LRP1B: variants seen among roughly 807,000 people sequenced by gnomAD.
LRP1B encodes LDL receptor related protein 1B, also known as low-density lipoprotein receptor-related protein 1B.
A neutral mutation model predicts 556.6 loss-of-function variants in LRP1B; 217 were observed. That is an observed-to-expected ratio of 0.39 (90% CI 0.35 to 0.44). The LOEUF (loss-of-function observed/expected upper bound fraction) is 0.44, where lower values mean the gene tolerates loss of function less well. Among genes scored for constraint, LRP1B ranks in the 20% least tolerant of loss-of-function variants. LRP1B has a pLI of 1.00. For synonymous variants in LRP1B, 2,047 were observed against 1,865.8 expected (o/e 1.10, Z -2.50); for missense variants, 5,053 against 5,620.8 (o/e 0.90, Z 3.23).
chr2:140,510,242 G>A (rs1286801994), intron 51 of LRP1B, among the ~76,000 whole-genome samples, 186 bp from the exon 52 acceptor site: 2 of 152,030 alleles, frequency 1.3e-5, no homozygotes, highest in Non-Finnish European at 2.9e-5. Context: ...TATCTAAGAA[G>A]GCATTCTTTC....
At chr2:141,151,332 T>G (rs897179335) in intron 7 of LRP1B, among the ~76,000 whole-genome samples, 9 of 152,144 alleles carry the variant, frequency 5.9e-5, no homozygotes, top group African/African-American at 1.9e-4. Flanking sequence ...TTACTACTTC[T>G]CATACTTCAT....
chr2:141,508,089 C>CCT (rs1455160564), intron 2 of LRP1B, among the ~76,000 whole-genome samples: 2 of 20,718 alleles, frequency 9.7e-5, no homozygotes, highest in African/African-American at 2.5e-4. Flanking sequence ...CCATCCCCCC[C>CCT]CCAAAAAAAA....
chr2:140,352,719 G>T (rs1682028072), intron 76 of LRP1B, among the ~76,000 whole-genome samples: 1 of 151,662 alleles, frequency 6.6e-6, no homozygotes, highest in Admixed American at 6.6e-5. Context: ...AAATTGTTTT[G>T]AACACAATGA....
At chr2:141,789,884 C>A (rs1396947195) in intron 2 of LRP1B, among the ~76,000 whole-genome samples, 1 of 151,972 alleles carries the variant, frequency 6.6e-6, no homozygotes, top group Non-Finnish European at 1.5e-5. Flanking sequence ...TAAAAGGACT[C>A]CAAATGTCCT....
At chr2:141,212,214 C>G (rs1682586155) in intron 6 of LRP1B, among the ~76,000 whole-genome samples, 3 of 112,710 alleles carry the variant, frequency 2.7e-5, no homozygotes, top group Admixed American at 2.0e-4. Flanking sequence ...ATAAAATTTA[C>G]TTTTCCCCCA....
At chr2:140,790,958 T>G (rs1390170655) in intron 32 of LRP1B, among the ~76,000 whole-genome samples, 2 of 122,586 alleles carry the variant, frequency 1.6e-5, no homozygotes, top group Non-Finnish European at 3.8e-5. Flanking sequence ...TTTTTTTTTT[T>G]TAATTATCTG....
At chr2:141,302,808 T>A (rs1686446737) in intron 3 of LRP1B, among the ~76,000 whole-genome samples, 1 of 152,124 alleles carries the variant, frequency 6.6e-6, no homozygotes, top group Non-Finnish European at 1.5e-5. Flanking sequence ...ATGATCATGT[T>A]ATACATGATT....
At chr2:140,695,085 T>G (rs1574250419) in intron 41 of LRP1B, among the ~76,000 whole-genome samples, 1 of 150,854 alleles carries the variant, frequency 6.6e-6, no homozygotes, top group South Asian at 2.1e-4. Context: ...CTTGGTGGGG[T>G]TTTTTAAGCT....
intron 7 of LRP1B, among the ~76,000 whole-genome samples, chr2:141,177,908 T>C (rs558068378): frequency 6.6e-6 from 1 of 152,234 alleles, no homozygotes; most frequent in East Asian, 1.9e-4. Context: ...AACATTGTTT[T>C]AGATGACCTC....
At chr2:141,028,414 G>A (rs76804379) in intron 11 of LRP1B, among the ~76,000 whole-genome samples, 2,299 of 151,888 alleles carry the variant, frequency 0.015, 63 homozygotes, top group African/African-American at 0.052. Context: ...GATTCAGAAA[G>A]ACTAGGAAAG....
chr2:141,679,810 T>A (rs1183300077), intron 2 of LRP1B, among the ~76,000 whole-genome samples: 1 of 151,912 alleles, frequency 6.6e-6, no homozygotes, highest in African/African-American at 2.4e-5. Flanking sequence ...TACTAATACT[T>A]TGATATAATT....
intron 1 of LRP1B, among the ~76,000 whole-genome samples, chr2:142,047,884 T>C (rs929090482): frequency 2.0e-5 from 3 of 152,040 alleles, no homozygotes; most frequent in African/African-American, 7.2e-5. Flanking sequence ...AGCACTGGAT[T>C]ATGACTGGAC....
chr2:140,974,818 C>A (rs1024257509), intron 18 of LRP1B, among the ~76,000 whole-genome samples: 2 of 152,170 alleles, frequency 1.3e-5, no homozygotes, highest in Non-Finnish European at 2.9e-5. Flanking sequence ...CACAAGTCAA[C>A]CTTCTGGAGA....
intron 3 of LRP1B, among the ~76,000 whole-genome samples, chr2:141,452,608 G>T (rs1490617161): frequency 6.6e-6 from 1 of 152,174 alleles, no homozygotes; most frequent in Non-Finnish European, 1.5e-5. Flanking sequence ...ATCTTGGAAA[G>T]AAGCCAAAAT....
chr2:140,948,690 C>G (rs1012977247), intron 20 of LRP1B, among the ~76,000 whole-genome samples: 7 of 152,172 alleles, frequency 4.6e-5, no homozygotes, highest in African/African-American at 1.7e-4. Context: ...TGTCCATTGC[C>G]AGAGAATGAC....
intron 43 of LRP1B, among the ~76,000 whole-genome samples, chr2:140,557,901 G>A (rs1680791216): frequency 6.6e-6 from 1 of 152,062 alleles, no homozygotes; most frequent in Admixed American, 6.6e-5. Context: ...GTCTTCCCAG[G>A]AATATATTCT....
intron 27 of LRP1B, 91 bp downstream of exon 27, chr2:140,867,499 A>T (rs1692985987): frequency 1.5e-6 from 2 of 1,341,560 alleles, no homozygotes; most frequent in Non-Finnish European, 2.0e-6. Flanking sequence ...ATAACTTTTA[A>T]CTTATAGAAG....
chr2:142,130,712 G>T lies in LRP1B; in HGVS notation c.18C>A (p.Leu6=), dbSNP rs139525868. Reference sequence around the variant, plus strand: ...ATAATCCCGAGAGAGTGAGTAAGGCGAGGAGAAACTCGGACATTGTGGTCG... The same window carrying T: ...ATAATCCCGAGAGAGTGAGTAAGGCTAGGAGAAACTCGGACATTGTGGTCG... The part of the protein sequence containing the change: MSEFL[L]ALLTLSGLLP... Residue 6 remains leucine (L), a synonymous_variant, in exon 1 of 91, where the codon CTC becomes CTA. Transcript: ENST00000389484. 5.6e-6 allele frequency: 9 copies of T among 1,613,140 alleles called. No homozygotes were observed. The highest frequency in any genetic ancestry group is 7.6e-6 in the Non-Finnish European group (9 of 1,179,594).
At chr2:141,481,902 A>G (rs1045860090) in intron 2 of LRP1B, among the ~76,000 whole-genome samples, 1 of 152,158 alleles carries the variant, frequency 6.6e-6, no homozygotes, top group Non-Finnish European at 1.5e-5. Context: ...TAAGTAAAAA[A>G]TGTTCTCAGA....
Sources: gnomAD v4.1 joint callset for allele counts (sites outside exome capture counted in the v4.1 genomes callset) on GRCh38, gnomAD v4.1.1 for gene constraint, MANE v1.5 for transcripts, NCBI Gene and HGNC (gene_info 2026-07-23, HGNC 2026-07-21) for gene names.